The following DNMT1 variants were observed in gnomAD, a reference collection of about 807,000 sequenced individuals.
The protein encoded by DNMT1 is DNA (cytosine-5)-methyltransferase 1.
In DNMT1, 24 loss-of-function variants were observed where a neutral mutation model predicts 205.3. The observed-to-expected ratio is 0.12, with a 90% CI of 0.08 to 0.16. The LOEUF (loss-of-function observed/expected upper bound fraction) is 0.16, where lower values mean the gene tolerates loss of function less well. DNMT1 is among the 10% of genes least tolerant of loss of function. The probability of loss-of-function intolerance (pLI) is 1.00; values close to 1 mark genes in which losing one functional copy is unlikely to be tolerated. For missense variants in DNMT1, 1,293 were observed against 2,177.7 expected, an observed-to-expected ratio of 0.59 and a Z score of 8.09; for synonymous variants, 817 against 839.8, an observed-to-expected ratio of 0.97 and a Z score of 0.47.
Position 10,133,417 on chromosome 19 carries a change from T to C in DNMT1, c.*250A>G. On this transcript the variant is annotated 3_prime_UTR_variant, in exon 41 of 41. Coordinates refer to ENST00000359526, the MANE Select transcript of DNMT1 (RefSeq NM_001130823.3). This position sits in a 1 kb window ranked among gnomAD's most constrained non-coding sequence, Gnocchi z 4.1. ...AACTACATAAAGTCTTAATTTCCAC[T>C]CATACAGTGGTAGATTTGATATAAT... The C allele has an allele frequency of 1.8e-6, 1 of 568,092 alleles. No individual in the cohort carries two copies. The highest frequency in any genetic ancestry group is 3.1e-6 in the Non-Finnish European group (1 of 318,942). The allele number at this position is 568,092 out of a possible 1,614,324, so 35.2% of individuals were successfully genotyped here. A position where few individuals can be genotyped will look rare whatever the true frequency, so the allele number is the denominator to read the frequency against.
Position 10,148,347 on chromosome 19 carries a change from C to T in DNMT1, c.2720+537G>A, listed in dbSNP as rs561403163. ...TCGTCTCTACTAAAAATACAAAAAA[C>T]TAGCCGGGTGTGGTGGCAGGCGCCT... On this transcript the variant is annotated intron_variant, in intron 27 of 40. Coordinates refer to ENST00000359526, the MANE Select transcript of DNMT1 (RefSeq NM_001130823.3). Among the ~76,000 whole-genome samples, 28 of 148,208 alleles carry T rather than the reference C, an allele frequency of 1.9e-4. 1 individual carries two copies. In the South Asian group the frequency reaches 3.2e-3, roughly 17 times the overall value.
At chr19:10,168,984 C>T (rs528661312) in intron 9 of DNMT1, among the ~76,000 whole-genome samples, 8 of 152,110 alleles carry the variant, frequency 5.3e-5, no homozygotes, top group Non-Finnish European at 7.3e-5. Context: ...TTTACAGGCA[C>T]ACACCACCAT....
intron 7 of DNMT1, 32 bp from the exon 8 acceptor site, chr19:10,173,937 T>C (rs755758605): frequency 8.3e-5 from 134 of 1,609,808 alleles, no homozygotes; most frequent in Middle Eastern, 1.6e-4. Context: ...CAAAAAAGAT[T>C]AGAATACTGG....
At chr19:10,157,545 A>G (rs574434315) in intron 17 of DNMT1, among the ~76,000 whole-genome samples, 5 of 152,052 alleles carry the variant, frequency 3.3e-5, no homozygotes, top group Admixed American at 6.6e-5. Context: ...GACAAGGACC[A>G]CCCTTTCCCG....
rs1201598415 is a variant in DNMT1 at position 10,156,835 on chromosome 19, C to T, written c.1281-326G>A. Among the ~76,000 whole-genome samples the T allele has an allele frequency of 6.6e-6, 1 of 152,010 alleles. No individual in the cohort carries two copies. Among genetic ancestry groups the T allele is most frequent in the East Asian group, 1.9e-4 (1 of 5,204 alleles). ...GTTTCACTATGTGTAGCAGGCTGGT[C>T]TCAAACTCTTTATCTCCAGTGATCT... On this transcript the variant is annotated intron_variant, in intron 17 of 40. Coordinates refer to ENST00000359526, the MANE Select transcript of DNMT1 (RefSeq NM_001130823.3). This position sits in a 1 kb window ranked among gnomAD's most constrained non-coding sequence, Gnocchi z 4.2.
chr19:10,165,216 A>G (rs1017580672), intron 11 of DNMT1, among the ~76,000 whole-genome samples: 1 of 152,138 alleles, frequency 6.6e-6, no homozygotes, highest in Non-Finnish European at 1.5e-5. Context: ...GGCTACAGTG[A>G]ACCGTGATTG....
Position 10,151,569 on chromosome 19 carries a change from A to C in DNMT1, c.2118-24T>G. On this transcript the variant is annotated intron_variant, in intron 23 of 40. Transcript: ENST00000359526. This position sits in a 1 kb window ranked among gnomAD's most constrained non-coding sequence, Gnocchi z 5.0. The stretch of plus-strand genomic sequence containing the variant: ...ACCTGCAATGTCACTGGTTATACCT[A>C]AGGCCCCTTTTCTAAGTAAGACCAA... 1 of 1,608,818 alleles carries C rather than the reference A, an allele frequency of 6.2e-7. No homozygotes were observed. The highest frequency in any genetic ancestry group is 2.2e-5 in the East Asian group (1 of 44,826).
rs2038525913 is a variant in DNMT1 at position 10,159,641 on chromosome 19, C to A, written c.1280+17G>T. 6.2e-7 allele frequency: 1 copy of A among 1,613,824 alleles called. No individual in the cohort carries two copies. The highest frequency in any genetic ancestry group is 1.3e-5 in the African/African-American group (1 of 75,050). On this transcript the variant is annotated intron_variant, in intron 17 of 40. Coordinates refer to ENST00000359526, the MANE Select transcript of DNMT1 (RefSeq NM_001130823.3). The surrounding 1 kb of genome is among the most constrained non-coding windows in gnomAD (Gnocchi z 5.0). ...CCTCCTTCCACGAAGCAAACATGCA[C>A]ACGAAAGTGCACTTACCTGAAGCAG...
chr19:10,166,127 G>GC (rs1249848326), intron 11 of DNMT1, among the ~76,000 whole-genome samples: 1 of 152,146 alleles, frequency 6.6e-6, no homozygotes, highest in Non-Finnish European at 1.5e-5. Flanking sequence ...TTTGACAGAG[G>GC]CCCAGCAGTG....
intron 1 of DNMT1, among the ~76,000 whole-genome samples, chr19:10,193,824 G>A (rs1350117848): frequency 6.6e-6 from 1 of 151,904 alleles, no homozygotes; most frequent in Non-Finnish European, 1.5e-5. Context: ...AATCCAGCTG[G>A]AAGTGTCCAC....
rs748089711 is a variant in DNMT1, at chr19:10,137,192, C to T, written c.4382G>A (p.Arg1461Gln). The part of the protein sequence containing the change: ...DWRDLPNIEV[R>Q]LSDGTMARKL... ...CCTGGCCATGGTGCCGTCTGAGAGCCGCACCTCGATGTTGGGCAGATCGCG... is the reference window on the plus strand; with the variant it reads ...CCTGGCCATGGTGCCGTCTGAGAGCTGCACCTCGATGTTGGGCAGATCGCG... The change falls in exon 37 of 41, where the codon CGG becomes CAG. Residue 1461 changes from arginine (R) to glutamine (Q), a missense_variant. By Grantham distance (43) the Arg-to-Gln change is conservative. Transcript: ENST00000359526. The surrounding 1 kb of genome is among the most constrained non-coding windows in gnomAD (Gnocchi z 6.4). 2.5e-6 allele frequency: 4 copies of T among 1,610,658 alleles called. No homozygotes were observed. Among genetic ancestry groups the T allele is most frequent in the Admixed American group, 1.7e-5 (1 of 59,574 alleles).
chr19:10,140,725 C>T lies in DNMT1; in HGVS notation c.3523+56G>A. 6.2e-7 allele frequency: 1 copy of T among 1,613,546 alleles called. No homozygotes were observed. The highest frequency in any genetic ancestry group is 8.5e-7 in the Non-Finnish European group (1 of 1,179,736). On this transcript the variant is annotated intron_variant, in intron 32 of 40. Coordinates refer to ENST00000359526, the MANE Select transcript of DNMT1 (RefSeq NM_001130823.3). The surrounding 1 kb of genome is among the most constrained non-coding windows in gnomAD (Gnocchi z 8.4). The stretch of plus-strand genomic sequence containing the variant: ...CGGGGTTGGAAGTCGTTTCAGGTAG[C>T]ACCTGCCCGGTCTGGGCTCACCAGG...
In DNMT1 at chr19:10,146,318, C is replaced by A; in HGVS notation, c.2894+33G>T. On this transcript the variant is annotated intron_variant, in intron 28 of 40. Coordinates refer to ENST00000359526, the MANE Select transcript of DNMT1 (RefSeq NM_001130823.3). The surrounding 1 kb of genome is among the most constrained non-coding windows in gnomAD (Gnocchi z 4.4). ...AGCCAGCCTGGCTCAGCCTGGAGCGCCCTGGCCCCGGCTGCTCCGAGGGGG... is the reference window on the plus strand; with the variant it reads ...AGCCAGCCTGGCTCAGCCTGGAGCGACCTGGCCCCGGCTGCTCCGAGGGGG... 1 of 1,612,036 alleles carries A rather than the reference C, an allele frequency of 6.2e-7. No homozygotes were observed. The highest frequency in any genetic ancestry group is 1.3e-5 in the African/African-American group (1 of 74,976).
intron 1 of DNMT1, 95 bp downstream of exon 1, chr19:10,194,725 T>C: frequency 6.8e-7 from 1 of 1,466,622 alleles, no homozygotes; most frequent in Non-Finnish European, 9.1e-7. Flanking sequence ...CGCCCGTCTG[T>C]CAGCAGCGGC....
intron 9 of DNMT1, among the ~76,000 whole-genome samples, chr19:10,171,670 T>C (rs2038817539): frequency 6.6e-6 from 1 of 152,032 alleles, no homozygotes; most frequent in Non-Finnish European, 1.5e-5. Context: ...CCGGGCATGG[T>C]GGCAGGCGCC....
Position 10,137,654 on chromosome 19 carries a change from T to A in DNMT1, c.4293+178A>T. 1.1e-6 allele frequency: 1 copy of A among 907,870 alleles called. No individual in the cohort carries two copies. Among genetic ancestry groups the A allele is most frequent in the South Asian group, 1.6e-5 (1 of 64,294 alleles). 56.2% of individuals were successfully genotyped at this position (907,870 alleles called of 1,614,324 possible). The stretch of plus-strand genomic sequence containing the variant: ...AGACCAAGTCCAGGACTGCGGGAGC[T>A]CTGACACTTCCCATGACCATGCAAG... On this transcript the variant is annotated intron_variant, in intron 36 of 40. Coordinates refer to ENST00000359526, the MANE Select transcript of DNMT1 (RefSeq NM_001130823.3). The surrounding 1 kb of genome is among the most constrained non-coding windows in gnomAD (Gnocchi z 6.4).
chr19:10,183,122 T>TACACAC (rs2039112134), intron 1 of DNMT1, among the ~76,000 whole-genome samples: 1 of 108,848 alleles, frequency 9.2e-6, no homozygotes, highest in Admixed American at 1.0e-4. Context: ...TATATATATA[T>TACACAC]ATATTTTTTT....
rs897612567 is a variant in DNMT1, at chr19:10,140,848, C to G, written c.3456G>C (p.Leu1152=). The change falls in exon 32 of 41, where the codon CTG becomes CTC. Residue 1152 remains leucine (L), a synonymous_variant. Transcript: ENST00000359526. This position sits in a 1 kb window ranked among gnomAD's most constrained non-coding sequence, Gnocchi z 8.4. ...EPSEPEIEIK[L]PKLRTLDVFS... ...ACACATCCAGGGTCCGCAGCTTGGG[C>G]AGCTTGATCTCTATCTCTGGCTCGC... The G allele has an allele frequency of 6.2e-7, 1 of 1,614,102 alleles. No individual in the cohort carries two copies. The highest frequency in any genetic ancestry group is 1.7e-5 in the Admixed American group (1 of 60,006).
Position 10,133,632 on chromosome 19 carries a change from C to G in DNMT1, c.*35G>C, listed in dbSNP as rs755991789. The G allele has an allele frequency of 6.9e-6, 11 of 1,590,006 alleles. No individual in the cohort carries two copies. The highest frequency in any genetic ancestry group is 9.4e-6 in the Non-Finnish European group (11 of 1,167,070). The stretch of plus-strand genomic sequence containing the variant: ...CAACATCAGTGCATGTTGGGGATTC[C>G]TGGTGCCAGAAACAGGGGTGACGGG... On this transcript the variant is annotated 3_prime_UTR_variant, in exon 41 of 41. Transcript: ENST00000359526. The surrounding 1 kb of genome is among the most constrained non-coding windows in gnomAD (Gnocchi z 4.1).
Sources: gnomAD v4.1 joint callset for allele counts (sites outside exome capture counted in the v4.1 genomes callset) on GRCh38, gnomAD v4.1.1 for gene constraint, Gnocchi (gnomAD v3.1) non-coding constraint, MANE v1.5 for transcripts, NCBI Gene and HGNC (gene_info 2026-07-23, HGNC 2026-07-21) for gene names.